The following ESCO1 variants were observed in gnomAD, a reference collection of about 807,000 sequenced individuals.
ESCO1 encodes establishment of sister chromatid cohesion N-acetyltransferase 1, also known as N-acetyltransferase ESCO1.
A neutral mutation model predicts 83.5 loss-of-function variants in ESCO1; 33 were observed. The ratio of observed to expected loss-of-function variants is 0.40; its 90% confidence interval spans 0.30 to 0.53. The LOEUF is 0.53. ESCO1 is among the 20% of genes least tolerant of loss of function. The pLI, the probability that ESCO1 is intolerant of heterozygous loss-of-function variation, is 0.63. For missense variants in ESCO1, 855 were observed against 968.0 expected, an observed-to-expected ratio of 0.88 and a Z score of 1.55; for synonymous variants, 332 against 324.3, an observed-to-expected ratio of 1.02 and a Z score of -0.25.
At chr18:21,544,739 T>C (rs1205372615) in intron 8 of ESCO1, among the ~76,000 whole-genome samples, 1 of 152,212 alleles carries the variant, frequency 6.6e-6, no homozygotes, top group African/African-American at 2.4e-5. Context: ...CCATGAATTG[T>C]TGAAGGTAGG....
In ESCO1 at chr18:21,567,953, A is replaced by G. The variant is rs370971730; in HGVS notation, c.1645+27T>C. The G allele has an allele frequency of 3.9e-6, 6 of 1,547,034 alleles. No homozygotes were observed. The African/African-American group carries it at 6.8e-5, about 18-fold the overall frequency. On this transcript the variant is annotated intron_variant, in intron 5 of 11. Transcript: ENST00000269214. Reference sequence around the variant, plus strand: ...CAAAAATGTCACTGAAGACTATGAAATCCAAATAATATTTCCAAAGTATTA... The same window carrying G: ...CAAAAATGTCACTGAAGACTATGAAGTCCAAATAATATTTCCAAAGTATTA...
chr18:21,585,250 G>T (rs530722638), intron 1 of ESCO1, among the ~76,000 whole-genome samples: 1 of 151,702 alleles, frequency 6.6e-6, no homozygotes, highest in Non-Finnish European at 1.5e-5. Flanking sequence ...CCACCTCCAT[G>T]AGAGAATTAT....
intron 8 of ESCO1, among the ~76,000 whole-genome samples, chr18:21,559,897 C>CT (rs1598463087): frequency 6.6e-6 from 1 of 152,134 alleles, no homozygotes; most frequent in Non-Finnish European, 1.5e-5. Context: ...AAAACTCACC[C>CT]TATCCTGGGT....
intron 8 of ESCO1, among the ~76,000 whole-genome samples, chr18:21,554,208 A>G (rs1448608696): frequency 1.3e-5 from 2 of 152,222 alleles, no homozygotes; most frequent in African/African-American, 2.4e-5. Flanking sequence ...GCAAAAGAAT[A>G]CAGCAACTTT....
At chr18:21,567,944 G>T in intron 5 of ESCO1, 36 bp downstream of exon 5, 2 of 1,488,910 alleles carry the variant, frequency 1.3e-6, no homozygotes, top group Non-Finnish European at 1.9e-6. Context: ...TGTCACTGAA[G>T]ACTATGAAAT....
chr18:21,577,672 A>AG (rs1377214291), intron 2 of ESCO1, among the ~76,000 whole-genome samples: 1 of 151,926 alleles, frequency 6.6e-6, no homozygotes, highest in East Asian at 1.9e-4. Flanking sequence ...AAAAAAAAAA[A>AG]AAAAAAGCAG....
intron 1 of ESCO1, among the ~76,000 whole-genome samples, chr18:21,591,913 C>T (rs1388690323): frequency 6.6e-6 from 1 of 151,246 alleles, no homozygotes; most frequent in Non-Finnish European, 1.5e-5. Flanking sequence ...TAACAAAGCA[C>T]ATCTTGCACT....
chr18:21,562,996 C>T (rs945971432), intron 7 of ESCO1, among the ~76,000 whole-genome samples: 2 of 150,798 alleles, frequency 1.3e-5, no homozygotes, highest in Non-Finnish European at 3.0e-5. Flanking sequence ...TTTAGCCTCC[C>T]GAGCAGCTGG....
At chr18:21,548,957 G>GC (rs1224112224) in intron 8 of ESCO1, among the ~76,000 whole-genome samples, 1 of 151,466 alleles carries the variant, frequency 6.6e-6, no homozygotes, top group Non-Finnish European at 1.5e-5. Flanking sequence ...AAAAAAAGAG[G>GC]CAAGAAATAT....
chr18:21,567,930 A>C (rs772025245), intron 5 of ESCO1, 50 bp downstream of exon 5: 2 of 1,417,650 alleles, frequency 1.4e-6, no homozygotes, highest in Admixed American at 3.6e-5. Flanking sequence ...AATACTGACA[A>C]AAATGTCACT....
intron 8 of ESCO1, among the ~76,000 whole-genome samples, chr18:21,548,914 G>C (rs1348191022): frequency 6.6e-6 from 1 of 151,430 alleles, no homozygotes; most frequent in Non-Finnish European, 1.5e-5. Context: ...CTTCAGCCTG[G>C]CCAATAGAGC....
At chr18:21,594,058 C>G (rs2038725153) in intron 1 of ESCO1, among the ~76,000 whole-genome samples, 1 of 152,184 alleles carries the variant, frequency 6.6e-6, no homozygotes, top group African/African-American at 2.4e-5. Context: ...AGCAGCAGCC[C>G]CGACCTCCAT....
At chr18:21,559,752 T>TA (rs2038158919) in intron 8 of ESCO1, among the ~76,000 whole-genome samples, 1 of 152,186 alleles carries the variant, frequency 6.6e-6, no homozygotes, top group African/African-American at 2.4e-5. Flanking sequence ...TTTCAAATGA[T>TA]AAAACAATAT....
At chr18:21,539,648 G>A (rs915577214) in intron 9 of ESCO1, among the ~76,000 whole-genome samples, 4 of 152,022 alleles carry the variant, frequency 2.6e-5, no homozygotes, top group South Asian at 2.1e-4. Flanking sequence ...TCAGGAGTTC[G>A]AGGCCAGCCT....
chr18:21,598,405 A>T (rs1367981632), intron 1 of ESCO1, among the ~76,000 whole-genome samples: 1 of 152,148 alleles, frequency 6.6e-6, no homozygotes, highest in Non-Finnish European at 1.5e-5. Flanking sequence ...GACGGACATT[A>T]AAAAAATTAC....
intron 2 of ESCO1, among the ~76,000 whole-genome samples, chr18:21,578,736 T>C (rs2038453484): frequency 6.6e-6 from 1 of 152,178 alleles, no homozygotes; most frequent in Admixed American, 6.5e-5. Flanking sequence ...CTCGCTTTGT[T>C]GTCCAGGCTA....
Position 21,573,944 on chromosome 18 carries a change from T to C in ESCO1, c.900A>G (p.Arg300=). 2 of 1,614,018 alleles carry C rather than the reference T, an allele frequency of 1.2e-6. No individual in the cohort carries two copies. Among genetic ancestry groups the C allele is most frequent in the Non-Finnish European group, 1.7e-6 (2 of 1,180,018 alleles). ...CTTCACAGAGCTGGAGAATACTACC[T>C]CGTTTGCTCTTTCCTGCTTGCTCCA... ...NELEQAGKSK[R]GSILQLCEEI... Residue 300 remains arginine (R), a synonymous_variant, in exon 4 of 12, where the codon CGA becomes CGG. Transcript: ENST00000269214.
chr18:21,584,940 G>A (rs1598477324), intron 1 of ESCO1, among the ~76,000 whole-genome samples: 1 of 152,052 alleles, frequency 6.6e-6, no homozygotes, highest in Admixed American at 6.6e-5. Flanking sequence ...GTCAGTTCAA[G>A]ACCAGCATGG....
At chr18:21,533,502 G>A (rs1466085145) in intron 10 of ESCO1, among the ~76,000 whole-genome samples, 1 of 152,080 alleles carries the variant, frequency 6.6e-6, no homozygotes, top group East Asian at 1.9e-4. Flanking sequence ...CAACATGTTG[G>A]CCAGGCTGGT....
Sources: gnomAD v4.1 joint callset for allele counts (sites outside exome capture counted in the v4.1 genomes callset) on GRCh38, gnomAD v4.1.1 for gene constraint, MANE v1.5 for transcripts, NCBI Gene and HGNC (gene_info 2026-07-23, HGNC 2026-07-21) for gene names.